WRAP53: variants seen among roughly 807,000 people sequenced by gnomAD.
WRAP53 encodes the protein telomerase Cajal body protein 1.
WRAP53 carries 28 observed loss-of-function variants against 56.6 expected under a neutral mutation model. The observed-to-expected ratio is 0.50, with a 90% confidence interval of 0.37 to 0.68. The LOEUF (loss-of-function observed/expected upper bound fraction) is 0.68. Among genes scored for constraint, WRAP53 ranks in the 30% least tolerant of loss-of-function variants. The pLI, the probability that WRAP53 is intolerant of heterozygous loss-of-function variation, is 0.00. For missense variants in WRAP53, 671 were observed against 715.5 expected (o/e 0.94, Z 0.71); for synonymous variants, 283 against 283.4 (o/e 1.00, Z 0.01).
rs762717799 is a variant in WRAP53, at chr17:7,688,807, G to T, written c.159G>T (p.Leu53Phe). The T allele has an allele frequency of 2.1e-5, 34 of 1,614,084 alleles. No homozygotes were observed. The highest frequency in any genetic ancestry group is 2.7e-5 in the Non-Finnish European group (32 of 1,180,046). The change falls in exon 2 of 11, where the codon TTG becomes TTT. Residue 53 changes from leucine to phenylalanine, a missense_variant. By Grantham distance (22) the Leu-to-Phe change is conservative. This residue lies in a region of WRAP53 where 406 missense variants were observed against 418.5 expected (regional missense o/e 0.97). Coordinates refer to ENST00000396463, the MANE Select transcript of WRAP53 (RefSeq NM_001143992.2). The part of the protein sequence containing the change: ...PPPERGDPPR[L>F]SPDPVAGSAV... The stretch of plus-strand genomic sequence containing the variant: ...CCGAAAGGGGGGATCCGCCCCGGTT[G>T]TCCCCAGATCCTGTGGCTGGCTCAG...
Position 7,702,727 on chromosome 17 carries a change from T to C in WRAP53, c.1165-16T>C, listed in dbSNP as rs764490879. Reference sequence around the variant, plus strand: ...GGGCTTTGGGGGTGACTCCAGGTCCTGTTCCTTGTCTCCAGGATGCTGAGC... The same window carrying C: ...GGGCTTTGGGGGTGACTCCAGGTCCCGTTCCTTGTCTCCAGGATGCTGAGC... On this transcript the variant is annotated splice_polypyrimidine_tract_variant and intron_variant, in intron 8 of 10. Coordinates refer to ENST00000396463, the MANE Select transcript of WRAP53 (RefSeq NM_001143992.2). This position sits in a 1 kb window ranked among gnomAD's most constrained non-coding sequence, Gnocchi z 5.0. 1 of 1,612,682 alleles carries C rather than the reference T, an allele frequency of 6.2e-7. No individual in the cohort carries two copies. Among genetic ancestry groups the C allele is most frequent in the East Asian group, 2.2e-5 (1 of 44,884 alleles).
rs1416286545 is a variant in WRAP53 at position 7,701,687 on chromosome 17, T to C, written c.853T>C (p.Phe285Leu). The change falls in exon 7 of 11, where the codon TTC (phenylalanine) becomes CTC (leucine). Residue 285 changes from phenylalanine to leucine, a missense_variant. By Grantham distance (22) the Phe-to-Leu change is conservative. Transcript: ENST00000396463. This position sits in a 1 kb window ranked among gnomAD's most constrained non-coding sequence, Gnocchi z 4.2. ...DELTAAHSLC[F>L]SPDGSQLFCG... ...GCTGACGGCAGCCCATTCGCTCTGC[T>C]TCTCCCCGGATGGCTCCCAGCTCTT... 1.9e-6 allele frequency: 3 copies of C among 1,614,122 alleles called. No homozygotes were observed. Among genetic ancestry groups the C allele is most frequent in the Non-Finnish European group, 2.5e-6 (3 of 1,180,046 alleles).
Position 7,703,009 on chromosome 17 carries a change from GT to G in WRAP53, c.1286del (p.Val429GlyfsTer27). 1.2e-6 allele frequency: 2 copies of G among 1,614,000 alleles called. No homozygotes were observed. The highest frequency in any genetic ancestry group is 4.5e-5 in the East Asian group (2 of 44,882). ...CTCTCGCAGGACCGGGCAGTTCCTA[GT>G]GAGTGGCAGCACGAGCGGGGCTGTC... ...FDLDPTGQFLVSGSTSGAVSV... is the reference protein window; with the variant it reads ...FDLDPTGQFLXSGSTSGAVSV... On this transcript the variant is annotated frameshift_variant, in exon 10 of 11. Coordinates refer to ENST00000396463, the MANE Select transcript of WRAP53 (RefSeq NM_001143992.2). LOFTEE classifies it high-confidence loss of function.
rs779696758 is a variant in WRAP53, at chr17:7,702,567, C to G, written c.1164+15C>G. ...GAGCCCGCAAGGTAGGGGTCACACC[C>G]TGAGAGCCCAAAGCAGCTGGGCAGC... On this transcript the variant is annotated intron_variant, in intron 8 of 10. Coordinates refer to ENST00000396463, the MANE Select transcript of WRAP53 (RefSeq NM_001143992.2). The surrounding 1 kb of genome is among the most constrained non-coding windows in gnomAD (Gnocchi z 5.0). The G allele has an allele frequency of 1.9e-6, 3 of 1,604,590 alleles. No individual in the cohort carries two copies. The South Asian group carries it at 3.3e-5, about 18-fold the overall frequency.
At position 7,702,605 on chromosome 17, in the gene WRAP53, G is replaced by T; in HGVS notation, c.1164+53G>T. ...GCAGCTGGGCAGCGGGGCAGGAGCA[G>T]GGATGTAGTCTGCAGTGTAGGGGAA... is the stretch of plus-strand genomic sequence containing the variant. On this transcript the variant is annotated intron_variant, in intron 8 of 10. Transcript: ENST00000396463. The surrounding 1 kb of genome is among the most constrained non-coding windows in gnomAD (Gnocchi z 5.0). The T allele has an allele frequency of 6.3e-7, 1 of 1,597,454 alleles. No homozygotes were observed.
chr17:7,695,329 A>G (rs1358086520), intron 4 of WRAP53, among the ~76,000 whole-genome samples: 1 of 152,104 alleles, frequency 6.6e-6, no homozygotes, highest in Non-Finnish European at 1.5e-5. Context: ...ACTTGTGTGT[A>G]CTGAGTCTTC....
intron 4 of WRAP53, among the ~76,000 whole-genome samples, chr17:7,697,735 G>A (rs1391944756): frequency 6.6e-6 from 1 of 152,160 alleles, no homozygotes; most frequent in Non-Finnish European, 1.5e-5. Flanking sequence ...AGTAAACATA[G>A]AGGAAATATC....
chr17:7,699,458 T>TTATATATATATATATTTA (rs2074231245), intron 4 of WRAP53, among the ~76,000 whole-genome samples: 1 of 39,872 alleles, frequency 2.5e-5, no homozygotes, highest in Non-Finnish European at 4.0e-5. Context: ...ATATATATAT[T>TTATATATATATATATTTA]TATATATATA....
rs746988654 is a variant in WRAP53 at position 7,701,693 on chromosome 17, C to G, written c.859C>G (p.Pro287Ala). The change falls in exon 7 of 11, where the codon CCG (proline) becomes GCG (alanine). Residue 287 changes from proline to alanine, a missense_variant. Around this residue, in one of 3 missense-constraint regions of WRAP53, gnomAD observed 406 missense variants for 418.5 expected, o/e 0.97. Transcript: ENST00000396463. The surrounding 1 kb of genome is among the most constrained non-coding windows in gnomAD (Gnocchi z 4.2). ...LTAAHSLCFSPDGSQLFCGFN... is the reference protein window; with the variant it reads ...LTAAHSLCFSADGSQLFCGFN... ...GGCAGCCCATTCGCTCTGCTTCTCC[C>G]CGGATGGCTCCCAGCTCTTCTGTGG... The G allele has an allele frequency of 6.2e-7, 1 of 1,614,252 alleles. No individual in the cohort carries two copies. Among genetic ancestry groups the G allele is most frequent in the Non-Finnish European group, 8.5e-7 (1 of 1,180,044 alleles).
At chr17:7,689,435 T>C in intron 3 of WRAP53, 113 bp downstream of exon 3, 2 of 1,282,806 alleles carry the variant, frequency 1.6e-6, no homozygotes, top group Non-Finnish European at 2.2e-6. Flanking sequence ...CACGTAGCCC[T>C]TTTAGACTGA....
At position 7,702,352 on chromosome 17, in the gene WRAP53, C is replaced by T. The variant is rs1156751821; in HGVS notation, c.964C>T (p.Gln322Ter). 6.2e-7 allele frequency: 1 copy of T among 1,614,136 alleles called. No individual in the cohort carries two copies. The highest frequency in any genetic ancestry group is 2.2e-5 in the East Asian group (1 of 44,868). The change falls in exon 8 of 11, where the codon CAG becomes TAG. Residue 322 changes from glutamine (Q) to a stop codon, truncating the protein, a stop_gained. Transcript: ENST00000396463. LOFTEE classifies it high-confidence loss of function. The surrounding 1 kb of genome is among the most constrained non-coding windows in gnomAD (Gnocchi z 5.0). ...GTTCCTTCCCTCTCTAGCAAAAAAG[C>T]AGGGCCAGAGCGGCATCATCTCCTG... is the stretch of plus-strand genomic sequence containing the variant. ...CEVRATFAKKQGQSGIISCIA... is the reference protein window; with the variant it reads ...CEVRATFAKK
rs565261355 is a variant in WRAP53, at chr17:7,702,823, G to A, written c.1245G>A (p.Gln415=). 8 of 1,613,984 alleles carry A rather than the reference G, an allele frequency of 5.0e-6. No individual in the cohort carries two copies. In the South Asian group the frequency reaches 7.7e-5, roughly 16 times the overall value. ...TGGGTCGAGAGGTGACCACCAATCAGCGCATCTACTTCGATCTGGACCCGT... is the reference window on the plus strand; with the variant it reads ...TGGGTCGAGAGGTGACCACCAATCAACGCATCTACTTCGATCTGGACCCGT... The part of the protein sequence containing the change: ...WSLGREVTTN[Q]RIYFDLDPTG... Residue 415 remains glutamine, a synonymous_variant, in exon 9 of 11, where the codon CAG becomes CAA. Transcript: ENST00000396463. This position sits in a 1 kb window ranked among gnomAD's most constrained non-coding sequence, Gnocchi z 5.0.
chr17:7,691,638 T>C (rs1387020536), intron 4 of WRAP53, among the ~76,000 whole-genome samples: 5 of 151,906 alleles, frequency 3.3e-5, no homozygotes, highest in African/African-American at 1.2e-4. Context: ...GATCCGCCGG[T>C]CTCGGCCTCC....
rs1232122006 is a variant in WRAP53, at chr17:7,702,904, C to T, written c.1268+58C>T. On this transcript the variant is annotated intron_variant, in intron 9 of 10. Transcript: ENST00000396463. This position sits in a 1 kb window ranked among gnomAD's most constrained non-coding sequence, Gnocchi z 5.0. ...CCTGATAAGCCTAGGAATGCCAGAG[C>T]CCAGCTGTAGGGTCCCAGTCCCTGG... The T allele has an allele frequency of 1.9e-6, 3 of 1,612,730 alleles. No individual in the cohort carries two copies. Among genetic ancestry groups the T allele is most frequent in the Non-Finnish European group, 2.5e-6 (3 of 1,179,814 alleles).
At position 7,702,895 on chromosome 17, in the gene WRAP53, A is replaced by G. The variant is rs907427289; in HGVS notation, c.1268+49A>G. The G allele has an allele frequency of 1.2e-6, 2 of 1,613,032 alleles. No individual in the cohort carries two copies. The highest frequency in any genetic ancestry group is 1.7e-5 in the Admixed American group (1 of 60,006). ...ACACAGGGCCCTGATAAGCCTAGGA[A>G]TGCCAGAGCCCAGCTGTAGGGTCCC... On this transcript the variant is annotated intron_variant, in intron 9 of 10. Coordinates refer to ENST00000396463, the MANE Select transcript of WRAP53 (RefSeq NM_001143992.2). The surrounding 1 kb of genome is among the most constrained non-coding windows in gnomAD (Gnocchi z 5.0).
At chr17:7,691,904 T>TC in intron 4 of WRAP53, among the ~76,000 whole-genome samples, 1 of 151,950 alleles carries the variant, frequency 6.6e-6, no homozygotes, top group Non-Finnish European at 1.5e-5. Flanking sequence ...TGGCACCATC[T>TC]CAGCTCACCG....
upstream of WRAP53, chr17:7,688,404 G>T (rs17883670): frequency 2.9e-5 from 16 of 558,090 alleles, no homozygotes; most frequent in East Asian, 4.9e-4. Context: ...GGGATGCGGC[G>T]GCCCAATCGG....
chr17:7,687,518 G>T, upstream of WRAP53: 1 of 398,642 alleles, frequency 2.5e-6, no homozygotes, highest in South Asian at 1.3e-4. Flanking sequence ...CGCCAGTCTT[G>T]AGCACATGGG....
chr17:7,695,197 C>T (rs183793695), intron 4 of WRAP53, among the ~76,000 whole-genome samples: 6 of 152,194 alleles, frequency 3.9e-5, no homozygotes, highest in Admixed American at 3.3e-4. Context: ...CCTCGTGATC[C>T]GCCCGCCTTG....
Sources: allele counts gnomAD v4.1 joint callset (sites outside exome capture counted in the v4.1 genomes callset), GRCh38; gene constraint gnomAD v4.1.1; regional missense constraint gnomAD v4.1.1; non-coding constraint Gnocchi (gnomAD v3.1); transcripts MANE v1.5; gene names NCBI Gene and HGNC (gene_info 2026-07-23, HGNC 2026-07-21).